MYCBP2: variants seen among roughly 807,000 people sequenced by gnomAD.
MYCBP2 encodes MYC binding protein 2, also known as E3 ubiquitin-protein ligase MYCBP2.
MYCBP2 carries 120 observed loss-of-function variants against 525.3 expected under a neutral mutation model. The ratio of observed to expected loss-of-function variants is 0.23; its 90% CI spans 0.20 to 0.27. The LOEUF is 0.27. Among genes scored for constraint, MYCBP2 ranks in the 10% least tolerant of loss-of-function variants. The probability of loss-of-function intolerance (pLI) is 1.00; values close to 1 mark genes in which losing one functional copy is unlikely to be tolerated. For synonymous variants in MYCBP2, 1,894 were observed against 1,955.8 expected (o/e 0.97, Z 0.83); for missense variants, 4,149 against 5,657.1 (o/e 0.73, Z 8.55).
In MYCBP2 at chr13:77,210,945, T is replaced by A. The variant is rs549581333; in HGVS notation, c.3416+222A>T. On this transcript the variant is annotated intron_variant, in intron 23 of 82. Transcript: ENST00000544440. ...CCAGGGTGACACAGAAAGCAAGTTGTGGAGCTGGGATAAACCTAGGTAGTG... is the reference window on the plus strand; with the variant it reads ...CCAGGGTGACACAGAAAGCAAGTTGAGGAGCTGGGATAAACCTAGGTAGTG... Among the ~76,000 whole-genome samples, 14 of 152,176 alleles carry A rather than the reference T, an allele frequency of 9.2e-5. 1 individual carries two copies. The South Asian group carries it at 2.9e-3, about 32-fold the overall frequency.
chr13:77,298,436 A>G (rs2078425541), intron 1 of MYCBP2, among the ~76,000 whole-genome samples: 1 of 152,216 alleles, frequency 6.6e-6, no homozygotes, highest in African/African-American at 2.4e-5. Context: ...CGCCAAGCTA[A>G]AAGCTCCAAT....
chr13:77,307,076 AG>A (rs1247322066), intron 1 of MYCBP2, among the ~76,000 whole-genome samples: 1 of 152,204 alleles, frequency 6.6e-6, no homozygotes, highest in African/African-American at 2.4e-5. Context: ...TTTAAGATCT[AG>A]AAAACAGATC....
At chr13:77,178,143 T>A (rs1225790985) in intron 34 of MYCBP2, among the ~76,000 whole-genome samples, 189 bp from the exon 35 acceptor site, 1 of 152,250 alleles carries the variant, frequency 6.6e-6, no homozygotes, top group Admixed American at 6.5e-5. Context: ...CACAAATCAA[T>A]GTCACTTGAC....
intron 56 of MYCBP2, 36 bp from the exon 57 acceptor site, chr13:77,096,517 C>G: frequency 6.2e-7 from 1 of 1,606,632 alleles, no homozygotes; most frequent in South Asian, 1.1e-5. Context: ...TTTAACACTC[C>G]AAGTGTCCTT....
chr13:77,269,405 G>C (rs2074557536), intron 7 of MYCBP2, among the ~76,000 whole-genome samples: 2 of 152,150 alleles, frequency 1.3e-5, no homozygotes, highest in Admixed American at 1.3e-4. Context: ...GGAGGCCCAG[G>C]CGGGTGGCTC....
rs758991208 is a variant in MYCBP2, at chr13:77,090,271, TG to T, written c.10368-9del. On this transcript the variant is annotated splice_polypyrimidine_tract_variant and intron_variant, in intron 59 of 82. Transcript: ENST00000544440. ...ATGGGACTGGTTTCTAAACTGTACA[TG>T]GAACAATGCAACAGATACAAACTCA... 2.5e-6 allele frequency: 4 copies of T among 1,603,526 alleles called. No homozygotes were observed. Among genetic ancestry groups the T allele is most frequent in the Non-Finnish European group, 3.4e-6 (4 of 1,174,730 alleles).
chr13:77,061,789 G>T lies in MYCBP2; in HGVS notation c.12776C>A (p.Pro4259His). The T allele has an allele frequency of 6.3e-7, 1 of 1,580,578 alleles. No homozygotes were observed. ...MGKDGQQKQM[P>H]MCDNHDDGET... ...ACCATCATCATGGTTATCACACATAGGCTAAAATAAGACATTTCCACGTTA... is the reference window on the plus strand; with the variant it reads ...ACCATCATCATGGTTATCACACATATGCTAAAATAAGACATTTCCACGTTA... The change falls in exon 75 of 83, where the codon CCT becomes CAT. Residue 4259 changes from proline to histidine, a missense_variant and splice_region_variant. Physicochemically the swap from Pro to His is moderately conservative, Grantham distance 77. Coordinates refer to ENST00000544440, the MANE Select transcript of MYCBP2 (RefSeq NM_015057.5).
At chr13:77,189,299 T>A (rs941276228) in intron 29 of MYCBP2, among the ~76,000 whole-genome samples, 2 of 152,122 alleles carry the variant, frequency 1.3e-5, no homozygotes, top group Non-Finnish European at 2.9e-5. Context: ...TTAGAGAACA[T>A]ATATAATGTA....
intron 18 of MYCBP2, among the ~76,000 whole-genome samples, chr13:77,229,478 C>T (rs1220094148): frequency 6.6e-6 from 1 of 152,122 alleles, no homozygotes; most frequent in Admixed American, 6.6e-5. Flanking sequence ...ACCTTAAATC[C>T]TTTGTAAAAA....
intron 82 of MYCBP2, 31 bp from the exon 83 acceptor site, chr13:77,045,524 T>C: frequency 1.4e-6 from 2 of 1,439,466 alleles, no homozygotes; most frequent in Non-Finnish European, 9.8e-7. Context: ...CAAAGGAAAA[T>C]AATGTTTTAA....
chr13:77,221,395 A>C lies in MYCBP2; in HGVS notation c.2939+3056T>G, dbSNP rs75961986. Among the ~76,000 whole-genome samples, 1,311 of 152,194 alleles carry C rather than the reference A, an allele frequency of 8.6e-3. 22 individuals are homozygous for C. The highest frequency in any genetic ancestry group is 0.029 in the African/African-American group (1,220 of 41,532). ...TCTCTTCATTTTAAAAGCTGACATG[A>C]ACACCTTCCCTCTCAGCGGCCAACA... On this transcript the variant is annotated intron_variant, in intron 20 of 82. Coordinates refer to ENST00000544440, the MANE Select transcript of MYCBP2 (RefSeq NM_015057.5).
chr13:77,155,682 C>T (rs777642295), intron 46 of MYCBP2, among the ~76,000 whole-genome samples: 9 of 152,092 alleles, frequency 5.9e-5, no homozygotes, highest in Non-Finnish European at 1.2e-4. Context: ...ATACCAAACA[C>T]AGAACGTACT....
intron 52 of MYCBP2, among the ~76,000 whole-genome samples, chr13:77,127,995 C>T (rs2051996659): frequency 6.6e-6 from 1 of 151,652 alleles, no homozygotes. Flanking sequence ...TCTTTGGTTA[C>T]ATATTGGAAA....
intron 16 of MYCBP2, 84 bp downstream of exon 16, chr13:77,243,722 A>C: frequency 8.5e-7 from 1 of 1,183,184 alleles, no homozygotes. Flanking sequence ...TTATTAACAT[A>C]TATCTAAAAG....
At chr13:77,187,359 A>G (rs2060825349) in intron 30 of MYCBP2, among the ~76,000 whole-genome samples, 1 of 152,238 alleles carries the variant, frequency 6.6e-6, no homozygotes, top group Non-Finnish European at 1.5e-5. Context: ...TATTCAAAGC[A>G]CAAGCTCTAC....
In MYCBP2 at chr13:77,146,593, C is replaced by T. The variant is rs151146039; in HGVS notation, c.7132-376G>A. Among the ~76,000 whole-genome samples the T allele has an allele frequency of 1.0e-3, 157 of 151,966 alleles. 1 individual carries two copies. Among genetic ancestry groups the T allele is most frequent in the Middle Eastern group, 3.4e-3 (1 of 294 alleles). On this transcript the variant is annotated intron_variant, in intron 47 of 82. Coordinates refer to ENST00000544440, the MANE Select transcript of MYCBP2 (RefSeq NM_015057.5). Reference sequence around the variant, plus strand: ...CATCCATAACATATAGAGAATAAATCCATACAAAAGAGATAAACAACAACA... The same window carrying T: ...CATCCATAACATATAGAGAATAAATTCATACAAAAGAGATAAACAACAACA...
At chr13:77,250,698 C>T (rs1238040455) in intron 15 of MYCBP2, among the ~76,000 whole-genome samples, 1 of 152,074 alleles carries the variant, frequency 6.6e-6, no homozygotes, top group African/African-American at 2.4e-5. Flanking sequence ...AGCAAGCATA[C>T]AACGTTTCTA....
chr13:77,096,330 C>T lies in MYCBP2; in HGVS notation c.9936G>A (p.Gln3312=), dbSNP rs751053527. Residue 3312 remains glutamine (Q), a synonymous_variant, in exon 57 of 83, where the codon CAG becomes CAA. Coordinates refer to ENST00000544440, the MANE Select transcript of MYCBP2 (RefSeq NM_015057.5). The part of the protein sequence containing the change: ...RCREKYLREK[Q]AAAREKVKQS... ...AAAATACCTTCTCCCTTGCAGCAGC[C>T]TGTTTTTCGCGGAGGTATTTTTCTC... 7 of 1,612,906 alleles carry T rather than the reference C, an allele frequency of 4.3e-6. No individual in the cohort carries two copies. The highest frequency in any genetic ancestry group is 5.1e-6 in the Non-Finnish European group (6 of 1,179,358).
At chr13:77,325,883 TA>T (rs2082229452) in intron 1 of MYCBP2, among the ~76,000 whole-genome samples, 1 of 152,120 alleles carries the variant, frequency 6.6e-6, no homozygotes, top group Non-Finnish European at 1.5e-5. Context: ...CCCTTATTCA[TA>T]AATCTTTTTA....
Sources: gnomAD v4.1 joint callset for allele counts (sites outside exome capture counted in the v4.1 genomes callset) on GRCh38, gnomAD v4.1.1 for gene constraint, MANE v1.5 for transcripts, NCBI Gene and HGNC (gene_info 2026-07-23, HGNC 2026-07-21) for gene names.